Variants in UGT2B11 observed in about 807,000 individuals in gnomAD.
UGT2B11 encodes UDP-glucuronosyltransferase 2B11.
UGT2B11 carries 49 observed loss-of-function variants against 51.7 expected under a neutral mutation model. The observed-to-expected ratio is 0.95, with a 90% CI of 0.75 to 1.20. UGT2B11 has a LOEUF of 1.20. Among genes scored for constraint, UGT2B11 ranks in the 50% most tolerant of loss-of-function variants. The probability of loss-of-function intolerance (pLI) is 0.00; values close to 1 mark genes in which losing one functional copy is unlikely to be tolerated. For missense variants in UGT2B11, 810 were observed against 622.1 expected, an observed-to-expected ratio of 1.30 and a Z score of -3.21; for synonymous variants, 273 against 209.0, an observed-to-expected ratio of 1.31 and a Z score of -2.64.
chr4:69,202,420 C>G (rs1721693720), intron 5 of UGT2B11, among the ~76,000 whole-genome samples: 2 of 151,418 alleles, frequency 1.3e-5, no homozygotes, highest in African/African-American at 2.4e-5. Context: ...TATTTTTAAC[C>G]TCCTTTATTT....
In UGT2B11 at chr4:69,212,737, A is replaced by G; in HGVS notation, c.722-16T>C. 6.3e-7 allele frequency: 1 copy of G among 1,592,348 alleles called. No homozygotes were observed. Among genetic ancestry groups the G allele is most frequent in the East Asian group, 2.2e-5 (1 of 44,490 alleles). On this transcript the variant is annotated splice_polypyrimidine_tract_variant and intron_variant, in intron 1 of 5. Transcript: ENST00000446444. Reference sequence around the variant, plus strand: ...GTGGGTCTTCCTGACAGGAATAAAGAAAAGAAAAAGTGGATGATGTAAGAT... The same window carrying G: ...GTGGGTCTTCCTGACAGGAATAAAGGAAAGAAAAAGTGGATGATGTAAGAT...
chr4:69,218,003 A>C (rs1195019835), upstream of UGT2B11, among the ~76,000 whole-genome samples: 2 of 152,134 alleles, frequency 1.3e-5, no homozygotes, highest in Admixed American at 6.6e-5. Flanking sequence ...CACCTCCTAA[A>C]AGGTTCTGTC....
upstream of UGT2B11, chr4:69,216,846 T>C (rs1211848371): frequency 1.3e-5 from 2 of 152,094 alleles, no homozygotes; most frequent in Admixed American, 6.6e-5. Flanking sequence ...GATAATTTAA[T>C]TGTATATGAA....
rs542433614 is a variant in UGT2B11, at chr4:69,213,764, A to G, written c.721+238T>C. On this transcript the variant is annotated intron_variant, in intron 1 of 5. Coordinates refer to ENST00000446444, the MANE Select transcript of UGT2B11 (RefSeq NM_001073.3). ...TGCTTAAATTCTTAGGTGTACTAAT[A>G]TATAGGTTTATGATTTCCTGGGGTG... Among the ~76,000 whole-genome samples, 127 of 152,002 alleles carry G rather than the reference A, an allele frequency of 8.4e-4. 2 individuals carry two copies. The South Asian group carries it at 0.025, about 30-fold the overall frequency.
intron 3 of UGT2B11, among the ~76,000 whole-genome samples, 155 bp downstream of exon 3, chr4:69,208,196 C>A (rs1051276078): frequency 6.6e-6 from 1 of 151,672 alleles, no homozygotes; most frequent in East Asian, 2.0e-4. Flanking sequence ...TGAGGCACAA[C>A]TATTACTTGT....
At chr4:69,213,812 G>A (rs1722161587) in intron 1 of UGT2B11, among the ~76,000 whole-genome samples, 190 bp downstream of exon 1, 1 of 151,774 alleles carries the variant, frequency 6.6e-6, no homozygotes, top group Admixed American at 6.6e-5. Context: ...GATGGCCACA[G>A]GGTTTTAACA....
At chr4:69,221,472 A>G in the UGT2B11 span, among the ~76,000 whole-genome samples, 10 of 152,298 alleles carry the variant, frequency 6.6e-5, no homozygotes, top group Admixed American at 3.9e-4. Flanking sequence ...TAAGGCCCAG[A>G]CCTCGAAGTT....
At chr4:69,216,321 T>A (rs1722273819), upstream of UGT2B11, 2 of 152,076 alleles carry the variant, frequency 1.3e-5, no homozygotes, top group African/African-American at 2.4e-5. Flanking sequence ...TTGAATCATA[T>A]GCCAACAATG....
At chr4:69,220,219 C>T in the UGT2B11 span, among the ~76,000 whole-genome samples, 1 of 151,740 alleles carries the variant, frequency 6.6e-6, no homozygotes, top group East Asian at 2.0e-4. Context: ...AAATACAGGT[C>T]ACACTGATAT....
intron 1 of UGT2B11, 98 bp downstream of exon 1, chr4:69,213,904 A>T: frequency 1.4e-6 from 2 of 1,431,288 alleles, no homozygotes; most frequent in Non-Finnish European, 1.8e-6. Flanking sequence ...TTCACTTACC[A>T]AAAACTCCAC....
chr4:69,205,036 A>G (rs1348743040), intron 4 of UGT2B11, among the ~76,000 whole-genome samples: 1 of 151,710 alleles, frequency 6.6e-6, no homozygotes, highest in African/African-American at 2.4e-5. Context: ...AGGATTGAGG[A>G]AAGACAGGTC....
chr4:69,200,388 A>G lies in UGT2B11; in HGVS notation c.*52T>C. The G allele has an allele frequency of 6.7e-7, 1 of 1,487,402 alleles. No individual in the cohort carries two copies. The highest frequency in any genetic ancestry group is 1.5e-5 in the South Asian group (1 of 66,666). The allele number at this position is 1,487,402 out of a possible 1,614,324, so 92.1% of individuals were successfully genotyped here. ...CAATCTTTTCTTTCTTGCTGGAATAAACTGAAGTTGTCCTATCTATCTGGT... is the reference window on the plus strand; with the variant it reads ...CAATCTTTTCTTTCTTGCTGGAATAGACTGAAGTTGTCCTATCTATCTGGT... On this transcript the variant is annotated 3_prime_UTR_variant, in exon 6 of 6. Transcript: ENST00000446444.
At chr4:69,222,512 CT>C in the UGT2B11 span, among the ~76,000 whole-genome samples, 1 of 152,206 alleles carries the variant, frequency 6.6e-6, no homozygotes, top group African/African-American at 2.4e-5. Flanking sequence ...ACACTGAGGA[CT>C]GCCTGTTGCC....
chr4:69,213,402 A>G (rs1165272903), intron 1 of UGT2B11, among the ~76,000 whole-genome samples: 1 of 151,796 alleles, frequency 6.6e-6, no homozygotes, highest in Non-Finnish European at 1.5e-5. Context: ...TCACACTTCA[A>G]CAAGATAATT....
At chr4:69,218,272 AC>A, upstream of UGT2B11, among the ~76,000 whole-genome samples, 1 of 152,272 alleles carries the variant, frequency 6.6e-6, no homozygotes, top group Non-Finnish European at 1.5e-5. Flanking sequence ...AGAACAGACA[AC>A]AAAATGAGAT....
chr4:69,216,903 G>T (rs1475076727), upstream of UGT2B11: 1 of 151,836 alleles, frequency 6.6e-6, no homozygotes, highest in Non-Finnish European at 1.5e-5. Flanking sequence ...ATGAGGCAGG[G>T]GTGTGATCTA....
At chr4:69,203,093 A>T (rs997174839) in intron 5 of UGT2B11, among the ~76,000 whole-genome samples, 1 of 151,704 alleles carries the variant, frequency 6.6e-6, no homozygotes, top group Non-Finnish European at 1.5e-5. Flanking sequence ...GTGCACCAAG[A>T]TTGGGACAAA....
At chr4:69,223,867 C>G in the UGT2B11 span, among the ~76,000 whole-genome samples, 1 of 152,148 alleles carries the variant, frequency 6.6e-6, no homozygotes, top group Non-Finnish European at 1.5e-5. Context: ...AATAGCAATT[C>G]AATGGCTCTA....
intron 3 of UGT2B11, 145 bp downstream of exon 3, chr4:69,208,206 T>G (rs1017297312): frequency 6.7e-7 from 1 of 1,482,346 alleles, no homozygotes; most frequent in Admixed American, 2.3e-5. Context: ...CTATTACTTG[T>G]GTTGGTGGAA....
Sources: gnomAD v4.1 joint callset for allele counts (sites outside exome capture counted in the v4.1 genomes callset) on GRCh38, gnomAD v4.1.1 for gene constraint, MANE v1.5 for transcripts, NCBI Gene and HGNC (gene_info 2026-07-23, HGNC 2026-07-21) for gene names.